The following CSMD1 variants were observed in gnomAD, a reference collection of about 807,000 sequenced individuals.
CSMD1 encodes CUB and Sushi multiple domains 1, also known as CUB and sushi domain-containing protein 1.
CSMD1 carries 213 observed loss-of-function variants against 417.5 expected under a neutral mutation model. That is an observed-to-expected ratio of 0.51 (90% confidence interval 0.46 to 0.57). The LOEUF is 0.57. Among genes scored for constraint, CSMD1 ranks in the 20% least tolerant of loss-of-function variants. The probability of loss-of-function intolerance (pLI) is 0.00; values close to 1 mark genes in which losing one functional copy is unlikely to be tolerated. For missense variants in CSMD1, 6,923 were observed against 4,529.7 expected (o/e 1.53, Z -15.17); for synonymous variants, 2,862 against 1,736.8 (o/e 1.65, Z -16.11).
chr8:4,963,710 T>A (rs1340608333), intron 1 of CSMD1, among the ~76,000 whole-genome samples: 1 of 152,152 alleles, frequency 6.6e-6, no homozygotes, highest in East Asian at 1.9e-4. Flanking sequence ...AAGCTCTTCT[T>A]TGACCATACA....
rs746636312 is a variant in CSMD1 at position 3,307,715 on chromosome 8, T to G, written c.3930A>C (p.Ala1310=). The G allele has an allele frequency of 1.9e-6, 3 of 1,613,670 alleles. No individual in the cohort carries two copies. The highest frequency in any genetic ancestry group is 4.5e-5 in the East Asian group (2 of 44,856). The change falls in exon 25 of 70, where the codon GCA becomes GCC. Residue 1310 remains alanine, a synonymous_variant. Coordinates refer to ENST00000635120, the MANE Select transcript of CSMD1 (RefSeq NM_033225.6). ...AGTACCTAATGGTCTTTCCTGGGTC[T>G]GCCTCTATAATCCAGGTGCAGTGGA... ...NNLHCTWIIE[A]DPGKTISLHF...
intron 1 of CSMD1, among the ~76,000 whole-genome samples, chr8:4,951,763 C>A (rs1412819589): frequency 6.6e-6 from 1 of 151,650 alleles, no homozygotes; most frequent in East Asian, 1.9e-4. Flanking sequence ...ACCCACACCC[C>A]CTACCTTTCC....
At chr8:3,143,449 C>T (rs561971058) in intron 40 of CSMD1, among the ~76,000 whole-genome samples, 19 of 152,282 alleles carry the variant, frequency 1.2e-4, no homozygotes, top group African/African-American at 4.6e-4. Flanking sequence ...TGATATCATA[C>T]TCATCTGTGA....
At chr8:4,039,999 G>C (rs752189597) in intron 3 of CSMD1, among the ~76,000 whole-genome samples, 14 of 152,146 alleles carry the variant, frequency 9.2e-5, no homozygotes, top group Admixed American at 9.2e-4. Flanking sequence ...CAGGTTAAGT[G>C]CCCCATACAT....
At chr8:3,828,782 G>A (rs552535949) in intron 5 of CSMD1, among the ~76,000 whole-genome samples, 3 of 152,124 alleles carry the variant, frequency 2.0e-5, no homozygotes, top group East Asian at 3.9e-4. Context: ...TTCCTCCCAA[G>A]CATCCTTCCA....
intron 3 of CSMD1, among the ~76,000 whole-genome samples, chr8:4,077,388 T>G (rs1055913835): frequency 6.7e-6 from 1 of 150,304 alleles, no homozygotes; most frequent in Non-Finnish European, 1.5e-5. Context: ...GGTTCCTCAG[T>G]CTTTTATTAT....
chr8:4,504,749 T>C (rs1802433987), intron 2 of CSMD1, among the ~76,000 whole-genome samples: 1 of 152,156 alleles, frequency 6.6e-6, no homozygotes, highest in Non-Finnish European at 1.5e-5. Context: ...TTTCTGTTCC[T>C]GTGTTAGTTT....
chr8:3,068,484 G>A (rs1813095438), intron 49 of CSMD1, among the ~76,000 whole-genome samples: 2 of 152,106 alleles, frequency 1.3e-5, no homozygotes, highest in African/African-American at 2.4e-5. Flanking sequence ...AAATACATAT[G>A]CACATGTGTA....
At chr8:4,083,403 T>G (rs1202784397) in intron 3 of CSMD1, among the ~76,000 whole-genome samples, 1 of 152,122 alleles carries the variant, frequency 6.6e-6, no homozygotes, top group Non-Finnish European at 1.5e-5. Context: ...TTTGGCTGCA[T>G]AAATGTCTTC....
intron 26 of CSMD1, among the ~76,000 whole-genome samples, chr8:3,242,239 T>C (rs904460768): frequency 2.6e-5 from 4 of 151,478 alleles, no homozygotes; most frequent in South Asian, 2.1e-4. Context: ...AAAAGGATTA[T>C]AGAGTGGAGG....
At chr8:4,749,860 G>A (rs76181351) in intron 1 of CSMD1, among the ~76,000 whole-genome samples, 2 of 151,976 alleles carry the variant, frequency 1.3e-5, no homozygotes, top group Non-Finnish European at 2.9e-5. Context: ...TGGATTTACG[G>A]CAAAAAGAGA....
At chr8:4,058,629 A>C (rs1327620460) in intron 3 of CSMD1, among the ~76,000 whole-genome samples, 1 of 150,676 alleles carries the variant, frequency 6.6e-6, no homozygotes, top group Non-Finnish European at 1.5e-5. Flanking sequence ...AAAAAAAGGC[A>C]GGGGTTGCAA....
At chr8:4,030,174 G>T (rs1426022673) in intron 4 of CSMD1, among the ~76,000 whole-genome samples, 2 of 143,874 alleles carry the variant, frequency 1.4e-5, no homozygotes, top group Non-Finnish European at 1.5e-5. Flanking sequence ...GAGTCTGAAG[G>T]ATGGTAGCCT....
intron 1 of CSMD1, among the ~76,000 whole-genome samples, chr8:4,916,044 T>C (rs910356107): frequency 1.3e-5 from 2 of 152,214 alleles, no homozygotes; most frequent in South Asian, 4.1e-4. Flanking sequence ...ACACTAGATT[T>C]GCCCTGGAAA....
chr8:3,811,160 G>A (rs922748346), intron 5 of CSMD1, among the ~76,000 whole-genome samples: 6 of 152,072 alleles, frequency 3.9e-5, no homozygotes, highest in East Asian at 1.9e-4. Flanking sequence ...ATATCCAACA[G>A]GACTGTGAGA....
chr8:3,188,067 T>A, intron 35 of CSMD1, 102 bp from the exon 36 acceptor site: 1 of 490,484 alleles, frequency 2.0e-6, no homozygotes. Context: ...TGTATATGTA[T>A]ATATATATAC....
intron 2 of CSMD1, among the ~76,000 whole-genome samples, chr8:4,632,630 G>C (rs1163617529): frequency 6.6e-6 from 1 of 152,102 alleles, no homozygotes; most frequent in Non-Finnish European, 1.5e-5. Flanking sequence ...AATGTACAAA[G>C]ATATACAAGC....
intron 31 of CSMD1, among the ~76,000 whole-genome samples, chr8:3,204,267 T>A (rs907274223): frequency 6.6e-6 from 1 of 152,180 alleles, no homozygotes; most frequent in South Asian, 2.1e-4. Context: ...ATGATGACAA[T>A]AATATTTTGT....
chr8:4,236,091 T>C (rs190486527), intron 3 of CSMD1, among the ~76,000 whole-genome samples: 3 of 147,724 alleles, frequency 2.0e-5, no homozygotes. Flanking sequence ...TTTTCCAGGT[T>C]TCCTGTAGGC....
Sources: allele counts gnomAD v4.1 joint callset (sites outside exome capture counted in the v4.1 genomes callset), GRCh38; gene constraint gnomAD v4.1.1; transcripts MANE v1.5; gene names NCBI Gene and HGNC (gene_info 2026-07-23, HGNC 2026-07-21).